The following MMS19 variants were observed in gnomAD, a reference collection of about 807,000 sequenced individuals.
The protein encoded by MMS19 is MMS19 nucleotide excision repair protein homolog.
MMS19 carries 77 observed loss-of-function variants against 129.8 expected under a neutral mutation model. The ratio of observed to expected loss-of-function variants is 0.59; its 90% CI spans 0.49 to 0.72. MMS19 has a LOEUF of 0.72. MMS19 is among the 30% of genes least tolerant of loss of function. The probability of loss-of-function intolerance (pLI) is 0.00; values close to 1 mark genes in which losing one functional copy is unlikely to be tolerated. For missense variants in MMS19, 1,168 were observed against 1,266.3 expected, an observed-to-expected ratio of 0.92 and a Z score of 1.18; for synonymous variants, 491 against 502.8, an observed-to-expected ratio of 0.98 and a Z score of 0.31.
chr10:97,486,861 C>CTA (rs1564694696), intron 1 of MMS19, among the ~76,000 whole-genome samples: 65 of 15,604 alleles, frequency 4.2e-3, no homozygotes, highest in African/African-American at 8.6e-3. Flanking sequence ...AATTAAAGTG[C>CTA]CATATATATA....
chr10:97,494,063 A>T (rs1777165114), intron 1 of MMS19, among the ~76,000 whole-genome samples: 1 of 152,188 alleles, frequency 6.6e-6, no homozygotes, highest in African/African-American at 2.4e-5. Flanking sequence ...AATACCTGGA[A>T]ATACTATTAA....
At position 97,468,453 on chromosome 10, in the gene MMS19, C is replaced by G. The variant is rs1445022570; in HGVS notation, c.1064-47G>C. The G allele has an allele frequency of 5.9e-6, 9 of 1,530,848 alleles. No homozygotes were observed. In the East Asian group the frequency reaches 1.9e-4, roughly 32 times the overall value. The allele number at this position is 1,530,848 out of a possible 1,614,324, so 94.8% of individuals were successfully genotyped here. Reference sequence around the variant, plus strand: ...GAGCTGGGGAGGAGGCCAAATGGTGCCTGACTCCCCTACAGTCCACAGAGG... The same window carrying G: ...GAGCTGGGGAGGAGGCCAAATGGTGGCTGACTCCCCTACAGTCCACAGAGG... On this transcript the variant is annotated intron_variant, in intron 12 of 30. Coordinates refer to ENST00000438925, the MANE Select transcript of MMS19 (RefSeq NM_022362.5).
intron 27 of MMS19, 49 bp from the exon 28 acceptor site, chr10:97,459,575 G>C (rs2031078843): frequency 1.9e-6 from 3 of 1,604,244 alleles, no homozygotes; most frequent in Non-Finnish European, 2.6e-6. Flanking sequence ...TGAAGATCCT[G>C]GTTCTTGTTC....
At chr10:97,477,815 A>C in intron 5 of MMS19, 40 bp downstream of exon 5, 1 of 1,427,104 alleles carries the variant, frequency 7.0e-7, no homozygotes, top group Non-Finnish European at 9.6e-7. Flanking sequence ...GTCAAGGGGT[A>C]GAGACAGAGG....
At chr10:97,481,737 G>A (rs1342222996) in intron 2 of MMS19, among the ~76,000 whole-genome samples, 2 of 152,116 alleles carry the variant, frequency 1.3e-5, no homozygotes, top group Non-Finnish European at 2.9e-5. Flanking sequence ...CAAGCAGAAA[G>A]TGGAAGAGTT....
chr10:97,469,502 A>G (rs2034241873), intron 11 of MMS19, 144 bp downstream of exon 11: 1 of 667,682 alleles, frequency 1.5e-6, no homozygotes, highest in African/African-American at 1.8e-5. Context: ...AACTAGAATT[A>G]TGTCCCCCTA....
intron 1 of MMS19, among the ~76,000 whole-genome samples, chr10:97,494,055 T>C (rs372758336): frequency 1.3e-5 from 2 of 152,092 alleles, no homozygotes; most frequent in East Asian, 3.8e-4. Context: ...ACACCCGTAA[T>C]ACCTGGAAAT....
In MMS19 at chr10:97,466,805, C is replaced by T. The variant is rs376331250; in HGVS notation, c.1394G>A (p.Arg465His). Residue 465 changes from arginine to histidine, a missense_variant, in exon 15 of 31, where the codon CGT becomes CAT. Physicochemically the swap from Arg to His is conservative, Grantham distance 29. Transcript: ENST00000438925. ...CTGGGCACCCAAGACTGTCAGTGTA[C>T]GGATGCCAACAAGCTGAAGCTGGGT... ...PSTQLQLVGI[R>H]TLTVLGAQPD... 7.4e-6 allele frequency: 12 copies of T among 1,613,828 alleles called. No individual in the cohort carries two copies. Among genetic ancestry groups the T allele is most frequent in the Admixed American group, 3.3e-5 (2 of 59,994 alleles).
chr10:97,466,462 G>T (rs775557112), intron 16 of MMS19, 42 bp downstream of exon 16: 1 of 1,452,658 alleles, frequency 6.9e-7, no homozygotes. Context: ...CAATACAGAG[G>T]CAGGGAACAG....
chr10:97,498,491 C>A, upstream of MMS19: 1 of 1,484,376 alleles, frequency 6.7e-7, no homozygotes, highest in Non-Finnish European at 9.0e-7. Context: ...GGGGGCGGGG[C>A]GCCGGGGTCA....
In MMS19 at chr10:97,498,389, C is replaced by G. The variant is rs1476138841; in HGVS notation, c.-5G>C. Reference sequence around the variant, plus strand: ...CACAGCCGCGGCAGCGGCCATAACGCGAACTAGAGACCGTGGGAGGGGATA... The same window carrying G: ...CACAGCCGCGGCAGCGGCCATAACGGGAACTAGAGACCGTGGGAGGGGATA... On this transcript the variant is annotated 5_prime_UTR_variant, in exon 1 of 31. Coordinates refer to ENST00000438925, the MANE Select transcript of MMS19 (RefSeq NM_022362.5). 1 of 1,580,362 alleles carries G rather than the reference C, an allele frequency of 6.3e-7. No homozygotes were observed. The highest frequency in any genetic ancestry group is 1.1e-5 in the South Asian group (1 of 87,986).
chr10:97,483,285 C>G (rs1440147601), intron 2 of MMS19, among the ~76,000 whole-genome samples: 2 of 152,100 alleles, frequency 1.3e-5, no homozygotes, highest in Non-Finnish European at 2.9e-5. Flanking sequence ...AACTCCTGAG[C>G]TCAGGCAATC....
rs373070416 is a variant in MMS19, at chr10:97,460,758, T to C, written c.2413-7A>G. 1.4e-5 allele frequency: 23 copies of C among 1,594,194 alleles called. No homozygotes were observed. The highest frequency in any genetic ancestry group is 1.7e-4 in the Middle Eastern group (1 of 6,058). ...GCACTAGGGCCTTTGTTACCTGTAA[T>C]TGGAGACAGAGAGAGCAATTGGGGA... On this transcript the variant is annotated splice_polypyrimidine_tract_variant and splice_region_variant and intron_variant, in intron 24 of 30. Transcript: ENST00000438925.
chr10:97,471,531 G>T (rs2034696818), intron 8 of MMS19, among the ~76,000 whole-genome samples: 1 of 151,324 alleles, frequency 6.6e-6, no homozygotes, highest in Non-Finnish European at 1.5e-5. Flanking sequence ...TTTTTTTTGA[G>T]ACAGAGTCTC....
chr10:97,478,280 G>T, intron 4 of MMS19, 24 bp downstream of exon 4: 1 of 1,554,666 alleles, frequency 6.4e-7, no homozygotes, highest in African/African-American at 1.4e-5. Flanking sequence ...ACAAAGTTAT[G>T]TAATGAAATG....
chr10:97,461,107 T>A, intron 23 of MMS19, 100 bp from the exon 24 acceptor site: 1 of 978,078 alleles, frequency 1.0e-6, no homozygotes, highest in Non-Finnish European at 1.5e-6. Flanking sequence ...GAGAAGCTGT[T>A]AGAAAGGGAA....
chr10:97,487,648 T>C (rs1263355359), intron 1 of MMS19, among the ~76,000 whole-genome samples: 2 of 151,956 alleles, frequency 1.3e-5, no homozygotes, highest in African/African-American at 2.4e-5. Flanking sequence ...AAGAACAAGA[T>C]AACATTCAGA....
chr10:97,492,073 G>A (rs191910893), intron 1 of MMS19, among the ~76,000 whole-genome samples: 1 of 146,964 alleles, frequency 6.8e-6, no homozygotes, highest in African/African-American at 2.5e-5. Flanking sequence ...GGGAGGCAGA[G>A]TTTGCAATGA....
At position 97,471,545 on chromosome 10, in the gene MMS19, C is replaced by G. The variant is rs29001299; in HGVS notation, c.685-684G>C. On this transcript the variant is annotated intron_variant, in intron 8 of 30. Coordinates refer to ENST00000438925, the MANE Select transcript of MMS19 (RefSeq NM_022362.5). The stretch of plus-strand genomic sequence containing the variant: ...TTTTTTTTTGAGACAGAGTCTCACT[C>G]TGTCACCCATGCTGGATTGCAGTGG... 1.9e-4 allele frequency among the ~76,000 whole-genome samples: 29 copies of G among 152,170 alleles called. No individual in the cohort carries two copies. In the East Asian group the frequency reaches 5.0e-3, roughly 26 times the overall value.
Sources: allele counts gnomAD v4.1 joint callset (sites outside exome capture counted in the v4.1 genomes callset), GRCh38; gene constraint gnomAD v4.1.1; transcripts MANE v1.5; gene names NCBI Gene and HGNC (gene_info 2026-07-23, HGNC 2026-07-21).